Variants in RHOA observed in about 807,000 individuals in gnomAD.
RHOA encodes the protein transforming protein RhoA.
A neutral mutation model predicts 17.5 loss-of-function variants in RHOA; 3 were observed. The observed-to-expected ratio is 0.17, with a 90% CI of 0.08 to 0.44. The LOEUF (loss-of-function observed/expected upper bound fraction) is 0.44. Ranked by LOEUF, RHOA falls within the 20% of genes least tolerant of loss-of-function variation. The pLI is 0.99. For missense variants in RHOA, 56 were observed against 242.3 expected, an observed-to-expected ratio of 0.23 and a Z score of 5.10; for synonymous variants, 98 against 88.4, an observed-to-expected ratio of 1.11 and a Z score of -0.61.
chr3:49,402,410 G>A (rs920213315), intron 1 of RHOA, among the ~76,000 whole-genome samples: 2 of 152,054 alleles, frequency 1.3e-5, no homozygotes, highest in Non-Finnish European at 2.9e-5. Context: ...AAAAAACTAG[G>A]CCGGGTGCAG....
chr3:49,372,072 T>C (rs373842152), intron 2 of RHOA, among the ~76,000 whole-genome samples: 1 of 152,310 alleles, frequency 6.6e-6, no homozygotes, highest in African/African-American at 2.4e-5. Context: ...CAACCTGACA[T>C]TGCTTCCCCA....
intron 1 of RHOA, among the ~76,000 whole-genome samples, chr3:49,382,789 T>G (rs1416535395): frequency 1.3e-5 from 2 of 152,172 alleles, no homozygotes; most frequent in Non-Finnish European, 2.9e-5. Context: ...CCGAGTGTGC[T>G]GGGGTTCATG....
At chr3:49,361,749 C>T (rs1354160581) in intron 4 of RHOA, among the ~76,000 whole-genome samples, 1 of 152,074 alleles carries the variant, frequency 6.6e-6, no homozygotes, top group African/African-American at 2.4e-5. Flanking sequence ...GGCGTGGTGG[C>T]ACATGCCTGT....
intron 1 of RHOA, among the ~76,000 whole-genome samples, chr3:49,386,089 C>T (rs1211357883): frequency 6.6e-6 from 1 of 152,062 alleles, no homozygotes; most frequent in East Asian, 1.9e-4. Flanking sequence ...ATTTTAGTAA[C>T]AGTTTGTCAA....
At chr3:49,394,646 C>T (rs996662406) in intron 1 of RHOA, among the ~76,000 whole-genome samples, 4 of 152,164 alleles carry the variant, frequency 2.6e-5, no homozygotes, top group Non-Finnish European at 5.9e-5. Flanking sequence ...CCACTGCATC[C>T]GGCCACAAAC....
chr3:49,389,521 C>T (rs978208879), intron 1 of RHOA, among the ~76,000 whole-genome samples: 3 of 152,132 alleles, frequency 2.0e-5, no homozygotes, highest in African/African-American at 7.2e-5. Flanking sequence ...TTTCCAGCCA[C>T]ATGTCATTAA....
intron 2 of RHOA, among the ~76,000 whole-genome samples, chr3:49,372,781 G>A (rs147630685): frequency 6.8e-6 from 1 of 146,308 alleles, no homozygotes; most frequent in East Asian, 2.1e-4. Flanking sequence ...AGAGGGTTTT[G>A]AACATGGCAG....
chr3:49,399,666 G>A (rs909382534), intron 1 of RHOA, among the ~76,000 whole-genome samples: 3 of 151,704 alleles, frequency 2.0e-5, no homozygotes, highest in Non-Finnish European at 4.4e-5. Context: ...ACTCACTGCG[G>A]CCTAGAACTC....
At chr3:49,408,818 A>T (rs1411813832) in intron 1 of RHOA, among the ~76,000 whole-genome samples, 1 of 147,762 alleles carries the variant, frequency 6.8e-6, no homozygotes, top group African/African-American at 2.5e-5. Context: ...TTTGAGACGG[A>T]GTCTCGCTCT....
At chr3:49,404,433 A>ACACACACACACACAC (rs1553636256) in intron 1 of RHOA, among the ~76,000 whole-genome samples, 42 of 90,736 alleles carry the variant, frequency 4.6e-4, no homozygotes, top group Middle Eastern at 6.9e-3. Flanking sequence ...TCTCTAGTAA[A>ACACACACACACACAC]ACACACACAC....
chr3:49,382,863 T>C (rs2048339169), intron 1 of RHOA, among the ~76,000 whole-genome samples: 1 of 151,738 alleles, frequency 6.6e-6, no homozygotes, highest in African/African-American at 2.4e-5. Context: ...GAGACAAGCC[T>C]GACCAACATG....
In RHOA at chr3:49,360,060, T is replaced by A; in HGVS notation, c.*149A>T. 1 of 907,366 alleles carries A rather than the reference T, an allele frequency of 1.1e-6. No individual in the cohort carries two copies. The highest frequency in any genetic ancestry group is 1.6e-6 in the Non-Finnish European group (1 of 619,854). The allele number at this position is 907,366 out of a possible 1,614,324, so 56.2% of individuals were successfully genotyped here. On this transcript the variant is annotated 3_prime_UTR_variant, in exon 5 of 5. Transcript: ENST00000418115. Reference sequence around the variant, plus strand: ...GGTTGGACATCGTTAATAATCATAGTTGGCTTCTAAATACTGGTAGCAAGA... The same window carrying A: ...GGTTGGACATCGTTAATAATCATAGATGGCTTCTAAATACTGGTAGCAAGA...
intron 1 of RHOA, among the ~76,000 whole-genome samples, chr3:49,376,644 C>CAA (rs963176937): frequency 3.5e-3 from 152 of 42,982 alleles, no homozygotes; most frequent in African/African-American, 6.4e-3. Flanking sequence ...CTCCATCTCA[C>CAA]AAAAAAAAAA....
chr3:49,409,144 C>T (rs1387527668), intron 1 of RHOA, among the ~76,000 whole-genome samples: 3 of 151,754 alleles, frequency 2.0e-5, no homozygotes, highest in Non-Finnish European at 4.4e-5. Flanking sequence ...CTTGTAATCC[C>T]AGCACTTTGG....
intron 1 of RHOA, among the ~76,000 whole-genome samples, chr3:49,386,782 C>A (rs1483783123): frequency 6.6e-6 from 1 of 152,094 alleles, no homozygotes; most frequent in Non-Finnish European, 1.5e-5. Context: ...TTAACTCTGT[C>A]TATGTCTATA....
At chr3:49,387,071 CACGCCATTCCACTCCAGCCTGGGCA>C (rs2048407901) in intron 1 of RHOA, among the ~76,000 whole-genome samples, 1 of 119,970 alleles carries the variant, frequency 8.3e-6, no homozygotes, top group African/African-American at 3.2e-5. Context: ...GAGCCGAGAT[CACGCCATTCCACTCCAGCCTGGGCA>C]ACAAGAGAGA....
intron 2 of RHOA, among the ~76,000 whole-genome samples, chr3:49,368,967 A>G (rs1575647623): frequency 7.2e-6 from 1 of 139,014 alleles, no homozygotes; most frequent in African/African-American, 2.7e-5. Context: ...TCGGCCTCCC[A>G]AAGTGTTGGG....
At position 49,399,382 on chromosome 3, in the gene RHOA, AGT is replaced by A. The variant is rs1371245979; in HGVS notation, c.-3+12436_-3+12437del. On this transcript the variant is annotated intron_variant, in intron 1 of 4. Coordinates refer to ENST00000418115, the MANE Select transcript of RHOA (RefSeq NM_001664.4). ...GAGACTCTGTCTCAAAAAAAAAAAA[AGT>A]GTGTTAACAAATGATCTCTGAGACA... 4.6e-5 allele frequency among the ~76,000 whole-genome samples: 7 copies of A among 151,748 alleles called. No individual in the cohort carries two copies. The East Asian group carries it at 7.7e-4, about 17-fold the overall frequency.
At chr3:49,369,815 C>T (rs571739699) in intron 2 of RHOA, among the ~76,000 whole-genome samples, 1 of 152,064 alleles carries the variant, frequency 6.6e-6, no homozygotes, top group Admixed American at 6.6e-5. Context: ...CGCCTGTAAT[C>T]CCAGCACTTT....
Sources: allele counts gnomAD v4.1 joint callset (sites outside exome capture counted in the v4.1 genomes callset), GRCh38; gene constraint gnomAD v4.1.1; transcripts MANE v1.5; gene names NCBI Gene and HGNC (gene_info 2026-07-23, HGNC 2026-07-21).